Variants in IRS1 observed in about 807,000 individuals in gnomAD.
IRS1 encodes the protein insulin receptor substrate 1.
In IRS1, 34 loss-of-function variants were observed where a neutral mutation model predicts 65.6. The ratio of observed to expected loss-of-function variants is 0.52; its 90% confidence interval spans 0.39 to 0.69. The LOEUF (loss-of-function observed/expected upper bound fraction) is 0.69. Ranked by LOEUF, IRS1 falls within the 30% of genes least tolerant of loss-of-function variation. IRS1 has a pLI of 0.00. For missense variants in IRS1, 1,641 were observed against 1,720.2 expected (o/e 0.95, Z 0.81); for synonymous variants, 699 against 683.5 (o/e 1.02, Z -0.35).
chr2:226,737,888 G>C (rs1190703127), intron 1 of IRS1, among the ~76,000 whole-genome samples: 1 of 152,140 alleles, frequency 6.6e-6, no homozygotes. Flanking sequence ...ATAAATAGGA[G>C]TTAAATAAAT....
chr2:226,766,134 TA>T, intron 1 of IRS1, among the ~76,000 whole-genome samples: 62 of 3,624 alleles, frequency 0.017, 7 homozygotes, highest in Non-Finnish European at 0.023. Context: ...TATATATATA[TA>T]TATATATATA....
Position 226,799,304 on chromosome 2 carries a change from C to G in IRS1, c.-566G>C. 8.3e-7 allele frequency: 1 copy of G among 1,206,314 alleles called. No homozygotes were observed. Among genetic ancestry groups the G allele is most frequent in the Non-Finnish European group, 1.1e-6 (1 of 942,642 alleles). The allele number at this position is 1,206,314 out of a possible 1,614,324, so 74.7% of individuals were successfully genotyped here. ...CCTCCCACCCCCCAACCGTCCCAGC[C>G]GCCACCAGCCGCCCAAATACCAGCT... On this transcript the variant is annotated 5_prime_UTR_variant, in exon 1 of 2. Transcript: ENST00000305123. The surrounding 1 kb of genome is among the most constrained non-coding windows in gnomAD (Gnocchi z 6.1).
At chr2:226,747,664 G>A (rs1481981570) in intron 1 of IRS1, among the ~76,000 whole-genome samples, 2 of 152,194 alleles carry the variant, frequency 1.3e-5, no homozygotes, top group African/African-American at 4.8e-5. Context: ...CAGACCCATG[G>A]AAGGGCCAGA....
chr2:226,781,097 C>A (rs1939372611), intron 1 of IRS1, among the ~76,000 whole-genome samples: 1 of 152,154 alleles, frequency 6.6e-6, no homozygotes, highest in African/African-American at 2.4e-5. Flanking sequence ...CTTCCATCAT[C>A]CTTCATGAAG....
rs532140540 is a variant in IRS1 at position 226,761,342 on chromosome 2, C to T, written c.*22-25092G>A. Among the ~76,000 whole-genome samples the T allele has an allele frequency of 3.3e-5, 5 of 152,204 alleles. No homozygotes were observed. The South Asian group carries it at 1.0e-3, about 32-fold the overall frequency. Reference sequence around the variant, plus strand: ...TGTAACTGAGGTTTTGAGAGGACAACTACAGGGGGCACTATTTACACCATT... The same window carrying T: ...TGTAACTGAGGTTTTGAGAGGACAATTACAGGGGGCACTATTTACACCATT... On this transcript the variant is annotated intron_variant, in intron 1 of 1. Coordinates refer to ENST00000305123, the MANE Select transcript of IRS1 (RefSeq NM_005544.3).
Position 226,797,004 on chromosome 2 carries a change from T to G in IRS1, c.1735A>C (p.Thr579Pro). 1.9e-6 allele frequency: 3 copies of G among 1,599,978 alleles called. No individual in the cohort carries two copies. The highest frequency in any genetic ancestry group is 2.6e-6 in the Non-Finnish European group (3 of 1,171,042). The change falls in exon 1 of 2, where the codon ACC (threonine) becomes CCC (proline). Residue 579 changes from threonine (T) to proline (P), a missense_variant. By Grantham distance (38) the Thr-to-Pro change is conservative. Around this residue, in one of 3 missense-constraint regions of IRS1, gnomAD observed 1,324 missense variants for 1,361.0 expected, o/e 0.97. Transcript: ENST00000305123. The surrounding 1 kb of genome is among the most constrained non-coding windows in gnomAD (Gnocchi z 8.1). ...PGHRHSAFVP[T>P]RSYPEEGLEM... ...AGACCCTCCTCTGGGTAGGAGCGGG[T>G]GGGCACGAAGGCGGAGTGCCTGTGT...
rs534075233 is a variant in IRS1, at chr2:226,740,215, C to T, written c.*22-3965G>A. On this transcript the variant is annotated intron_variant, in intron 1 of 1. Transcript: ENST00000305123. ...AGGCAGAAATACAATGCACCTGTCA[C>T]GAGATTTAGTAGCAGGAAATTACAT... is the stretch of plus-strand genomic sequence containing the variant. Among the ~76,000 whole-genome samples, 7 of 152,318 alleles carry T rather than the reference C, an allele frequency of 4.6e-5. No homozygotes were observed. The South Asian group carries it at 1.0e-3, about 23-fold the overall frequency.
chr2:226,763,467 C>A (rs1228178349), intron 1 of IRS1, among the ~76,000 whole-genome samples: 1 of 152,178 alleles, frequency 6.6e-6, no homozygotes, highest in Non-Finnish European at 1.5e-5. Flanking sequence ...CTGGTGGTTA[C>A]CCCCTTTGAA....
Position 226,799,170 on chromosome 2 carries a change from G to A in IRS1, c.-432C>T, listed in dbSNP as rs1468585831. 9.0e-7 allele frequency: 1 copy of A among 1,109,884 alleles called. No individual in the cohort carries two copies. Among genetic ancestry groups the A allele is most frequent in the East Asian group, 8.5e-5 (1 of 11,696 alleles). The allele number at this position is 1,109,884 out of a possible 1,614,324, so 68.8% of individuals were successfully genotyped here. A position where few individuals can be genotyped will look rare whatever the true frequency, so the allele number is the denominator to read the frequency against. On this transcript the variant is annotated 5_prime_UTR_variant, in exon 1 of 2. Transcript: ENST00000305123. The surrounding 1 kb of genome is among the most constrained non-coding windows in gnomAD (Gnocchi z 6.1). ...CGCGCGCGCGCGCCTTCCCTCCTGAGTTCCCCTCTGGAAGCAGCGATTCCC... is the reference window on the plus strand; with the variant it reads ...CGCGCGCGCGCGCCTTCCCTCCTGAATTCCCCTCTGGAAGCAGCGATTCCC...
At chr2:226,787,287 T>A (rs1939505492) in intron 1 of IRS1, among the ~76,000 whole-genome samples, 1 of 152,188 alleles carries the variant, frequency 6.6e-6, no homozygotes, top group Admixed American at 6.6e-5. Context: ...GATTATTTAG[T>A]ATGCTGATGG....
rs1319085184 is a variant in IRS1, at chr2:226,795,443, T to C, written c.3296A>G (p.His1099Arg). 1 of 1,613,586 alleles carries C rather than the reference T, an allele frequency of 6.2e-7. No individual in the cohort carries two copies. Among genetic ancestry groups the C allele is most frequent in the South Asian group, 1.1e-5 (1 of 91,090 alleles). The change falls in exon 1 of 2, where the codon CAT (histidine) becomes CGT (arginine). Residue 1099 changes from histidine (H) to arginine (R), a missense_variant. By Grantham distance (29) the His-to-Arg change is conservative (BLOSUM62 0). Transcript: ENST00000305123. ...TGTTGAGGAGAAAGTCTCGGAGCTA[T>C]GCCTCCGCCGGCACCCTTGTGGGTC... ...RADPQGCRRR[H>R]SSETFSSTPS...
At chr2:226,751,381 T>C (rs1938678083) in intron 1 of IRS1, among the ~76,000 whole-genome samples, 1 of 149,434 alleles carries the variant, frequency 6.7e-6, no homozygotes, top group Non-Finnish European at 1.5e-5. Context: ...CCTCCCGGGT[T>C]CCCGGCATTC....
intron 1 of IRS1, among the ~76,000 whole-genome samples, chr2:226,753,151 A>G (rs980371340): frequency 1.3e-4 from 20 of 152,352 alleles, no homozygotes; most frequent in Middle Eastern, 6.8e-3. Flanking sequence ...AAGTGTTTGC[A>G]GAGAAGAGAA....
rs776939750 is a variant in IRS1 at position 226,797,598 on chromosome 2, G to A, written c.1141C>T (p.Arg381Cys). 2 of 1,589,132 alleles carry A rather than the reference G, an allele frequency of 1.3e-6. No individual in the cohort carries two copies. Among genetic ancestry groups the A allele is most frequent in the Non-Finnish European group, 8.5e-7 (1 of 1,171,060 alleles). ...HSRSIPMPAS[R>C]CSPSATSPVS... Reference sequence around the variant, plus strand: ...GGGCTGGTGGCCGAAGGCGAGCAGCGGGAAGCCGGCATGGGGATGGAGCGG... The same window carrying A: ...GGGCTGGTGGCCGAAGGCGAGCAGCAGGAAGCCGGCATGGGGATGGAGCGG... The change falls in exon 1 of 2, where the codon CGC (arginine) becomes TGC (cysteine). Residue 381 changes from arginine to cysteine, a missense_variant. Arg to Cys is a radical substitution (Grantham distance 180, BLOSUM62 -3). Around this residue, in one of 3 missense-constraint regions of IRS1, gnomAD observed 1,324 missense variants for 1,361.0 expected, o/e 0.97. Coordinates refer to ENST00000305123, the MANE Select transcript of IRS1 (RefSeq NM_005544.3). The surrounding 1 kb of genome is among the most constrained non-coding windows in gnomAD (Gnocchi z 8.1).
chr2:226,748,290 A>C (rs1349221249), intron 1 of IRS1, among the ~76,000 whole-genome samples: 1 of 151,874 alleles, frequency 6.6e-6, no homozygotes, highest in East Asian at 1.9e-4. Context: ...TTTGTCAGGC[A>C]TGGTGGTGCA....
intron 1 of IRS1, among the ~76,000 whole-genome samples, chr2:226,762,494 T>C (rs570901610): frequency 6.6e-6 from 1 of 152,338 alleles, no homozygotes; most frequent in Non-Finnish European, 1.5e-5. Flanking sequence ...TGGCAAATTT[T>C]CTAATAGGGT....
At chr2:226,751,272 G>GTTTT (rs1559148793) in intron 1 of IRS1, among the ~76,000 whole-genome samples, 1 of 120,660 alleles carries the variant, frequency 8.3e-6, no homozygotes, top group Non-Finnish European at 1.7e-5. Context: ...CTCCACACGG[G>GTTTT]TATTTTTTTT....
Position 226,795,478 on chromosome 2 carries a change from C to T in IRS1, c.3261G>A (p.Val1087=). 1 of 1,613,548 alleles carries T rather than the reference C, an allele frequency of 6.2e-7. No individual in the cohort carries two copies. The highest frequency in any genetic ancestry group is 1.1e-5 in the South Asian group (1 of 91,086). Residue 1087 remains valine (V), a synonymous_variant, in exon 1 of 2, where the codon GTG becomes GTA. Coordinates refer to ENST00000305123, the MANE Select transcript of IRS1 (RefSeq NM_005544.3). Reference sequence around the variant, plus strand: ...GGCACCCTTGTGGGTCTGCACGGATCACTTTGGCACTCTGGTTGCGGTTAG... The same window carrying T: ...GGCACCCTTGTGGGTCTGCACGGATTACTTTGGCACTCTGGTTGCGGTTAG... ...LSPNRNQSAK[V]IRADPQGCRR...
At chr2:226,740,038 A>G (rs1251443141) in intron 1 of IRS1, among the ~76,000 whole-genome samples, 1 of 152,250 alleles carries the variant, frequency 6.6e-6, no homozygotes, top group Non-Finnish European at 1.5e-5. Flanking sequence ...TATTGCTACA[A>G]AGTTTTACAA....
Sources: gnomAD v4.1 joint callset for allele counts (sites outside exome capture counted in the v4.1 genomes callset) on GRCh38, gnomAD v4.1.1 for gene constraint, gnomAD v4.1.1 regional missense constraint, Gnocchi (gnomAD v3.1) non-coding constraint, MANE v1.5 for transcripts, NCBI Gene and HGNC (gene_info 2026-07-23, HGNC 2026-07-21) for gene names.